The following TDRD3 variants were observed in gnomAD, a reference collection of about 807,000 sequenced individuals.
The protein encoded by TDRD3 is tudor domain containing 3, also known as tudor domain-containing protein 3.
TDRD3 carries 45 observed loss-of-function variants against 86.7 expected under a neutral mutation model. The ratio of observed to expected loss-of-function variants is 0.52; its 90% CI spans 0.41 to 0.67. TDRD3 has a LOEUF of 0.67. TDRD3 is among the 30% of genes least tolerant of loss of function. The pLI is 0.00. For missense variants in TDRD3, 814 were observed against 889.0 expected, an observed-to-expected ratio of 0.92 and a Z score of 1.07; for synonymous variants, 298 against 301.7, an observed-to-expected ratio of 0.99 and a Z score of 0.13.
At chr13:60,507,297 A>G (rs1041034003) in intron 8 of TDRD3, among the ~76,000 whole-genome samples, 4 of 152,180 alleles carry the variant, frequency 2.6e-5, no homozygotes, top group South Asian at 2.1e-4. Flanking sequence ...CGAGACAGAA[A>G]ATTAACAAGG....
chr13:60,538,367 G>A (rs910316370), intron 12 of TDRD3, among the ~76,000 whole-genome samples: 3 of 145,930 alleles, frequency 2.1e-5, no homozygotes, highest in African/African-American at 7.6e-5. Context: ...ATTTGTTCTA[G>A]CTAGATTTCA....
At chr13:60,513,835 C>T (rs112437520) in intron 10 of TDRD3, among the ~76,000 whole-genome samples, 2 of 152,186 alleles carry the variant, frequency 1.3e-5, no homozygotes, top group African/African-American at 4.8e-5. Context: ...CCCATAAACT[C>T]TTTTTCCTGT....
At chr13:60,423,837 A>T (rs1256900416) in intron 1 of TDRD3, among the ~76,000 whole-genome samples, 1 of 152,212 alleles carries the variant, frequency 6.6e-6, no homozygotes, top group African/African-American at 2.4e-5. Context: ...TATTAATAAA[A>T]TGAATAAATG....
chr13:60,420,597 A>T (rs1954629870), intron 1 of TDRD3, among the ~76,000 whole-genome samples: 1 of 152,100 alleles, frequency 6.6e-6, no homozygotes, highest in Non-Finnish European at 1.5e-5. Flanking sequence ...TTTCAGTGAC[A>T]TTTGTAAAAA....
chr13:60,555,848 C>CTTTT lies in TDRD3; in HGVS notation c.2119-11674_2119-11673insTTTT, dbSNP rs770710929. Among the ~76,000 whole-genome samples, 65 of 136,128 alleles carry CTTTT rather than the reference C, an allele frequency of 4.8e-4. 1 individual carries two copies. The highest frequency in any genetic ancestry group is 9.1e-4 in the African/African-American group (33 of 36,312). 89.3% of individuals were successfully genotyped at this position (136,128 alleles called of 152,430 possible). ...GGTAGGAAAAAAAACCAACCTATTT[C>CTTTT]TTTCTTTTTTTTTTTTTTTTGAGAT... On this transcript the variant is annotated intron_variant, in intron 12 of 13. Coordinates refer to ENST00000377881, the MANE Select transcript of TDRD3 (RefSeq NM_001146070.2).
chr13:60,449,747 A>G (rs1453223829), intron 3 of TDRD3, among the ~76,000 whole-genome samples: 1 of 151,866 alleles, frequency 6.6e-6, no homozygotes, highest in East Asian at 1.9e-4. Context: ...TAGATCTTCT[A>G]GTAAATATAC....
At chr13:60,468,869 C>T (rs538558690) in intron 5 of TDRD3, among the ~76,000 whole-genome samples, 6 of 152,236 alleles carry the variant, frequency 3.9e-5, no homozygotes, top group Non-Finnish European at 1.5e-5. Context: ...ACTGATTACT[C>T]CTCGAGCTGA....
At chr13:60,412,510 A>C (rs11843497) in intron 1 of TDRD3, among the ~76,000 whole-genome samples, 6,858 of 152,290 alleles carry the variant, frequency 0.045, 217 homozygotes, top group Non-Finnish European at 0.064. Context: ...ATTTGCTTAT[A>C]AAAAGGGATT....
chr13:60,497,180 TG>T lies in TDRD3; in HGVS notation c.858+2607del, dbSNP rs1223495548. Among the ~76,000 whole-genome samples, 3 of 151,560 alleles carry T rather than the reference TG, an allele frequency of 2.0e-5. No individual in the cohort carries two copies. In the East Asian group the frequency reaches 5.8e-4, roughly 30 times the overall value. On this transcript the variant is annotated intron_variant, in intron 8 of 13. Coordinates refer to ENST00000377881, the MANE Select transcript of TDRD3 (RefSeq NM_001146070.2). ...GGTCTGGGACGGCGGTGAACAGCAG[TG>T]GTGGATGGCAAGCGAAAGCTCAGCT...
chr13:60,497,285 G>A (rs1956739847), intron 8 of TDRD3, among the ~76,000 whole-genome samples: 1 of 152,170 alleles, frequency 6.6e-6, no homozygotes, highest in African/African-American at 2.4e-5. Context: ...CCATAAAATG[G>A]GAGGGGACCC....
At position 60,397,267 on chromosome 13, in the gene TDRD3, CTTTTCTTT is replaced by C; in HGVS notation, c.-93_-86del. ...GCCGACCAGAGGAGTTTTTTCTTTT[CTTTTCTTT>C]TTTTTTTTTTAAGGGGGGGGGTCTC... On this transcript the variant is annotated 5_prime_UTR_variant, in exon 1 of 14. The change creates a premature stop within an existing upstream ORF in the 5' untranslated region. Coordinates refer to ENST00000377881, the MANE Select transcript of TDRD3 (RefSeq NM_001146070.2). 1 of 646,982 alleles carries C rather than the reference CTTTTCTTT, an allele frequency of 1.5e-6. No individual in the cohort carries two copies. Among genetic ancestry groups the C allele is most frequent in the Non-Finnish European group, 2.3e-6 (1 of 440,130 alleles). The allele number at this position is 646,982 out of a possible 1,614,324, so 40.1% of individuals were successfully genotyped here.
At chr13:60,457,603 T>C (rs1445716824) in intron 3 of TDRD3, among the ~76,000 whole-genome samples, 1 of 152,216 alleles carries the variant, frequency 6.6e-6, no homozygotes, top group East Asian at 1.9e-4. Flanking sequence ...TAAGTGGGTA[T>C]AGTAGTTATC....
At chr13:60,449,439 G>A (rs1358721477) in intron 3 of TDRD3, among the ~76,000 whole-genome samples, 1 of 151,906 alleles carries the variant, frequency 6.6e-6, no homozygotes, top group Non-Finnish European at 1.5e-5. Context: ...TTCTGTTTTT[G>A]GTTCCAAGGA....
At chr13:60,420,805 G>T (rs539919940) in intron 1 of TDRD3, among the ~76,000 whole-genome samples, 29 of 152,024 alleles carry the variant, frequency 1.9e-4, no homozygotes, top group Non-Finnish European at 4.1e-4. Context: ...TTAGCCGGGC[G>T]TGATGGCGGG....
intron 12 of TDRD3, among the ~76,000 whole-genome samples, chr13:60,561,159 T>C (rs1352651878): frequency 6.6e-6 from 1 of 152,212 alleles, no homozygotes; most frequent in Non-Finnish European, 1.5e-5. Context: ...AATTTTCTCA[T>C]ATGTTAATGA....
At chr13:60,457,602 A>G (rs1027798139) in intron 3 of TDRD3, among the ~76,000 whole-genome samples, 3 of 152,222 alleles carry the variant, frequency 2.0e-5, no homozygotes, top group Non-Finnish European at 2.9e-5. Flanking sequence ...ATAAGTGGGT[A>G]TAGTAGTTAT....
chr13:60,400,730 T>C (rs981784164), intron 1 of TDRD3, among the ~76,000 whole-genome samples: 1 of 150,010 alleles, frequency 6.7e-6, no homozygotes, highest in Non-Finnish European at 1.5e-5. Flanking sequence ...AGAGCGAGAC[T>C]GTGTCTCAAA....
intron 7 of TDRD3, 144 bp from the exon 8 acceptor site, chr13:60,494,291 G>A (rs1459122973): frequency 1.1e-6 from 1 of 876,098 alleles, no homozygotes; most frequent in African/African-American, 1.7e-5. Flanking sequence ...CTATTCAAAA[G>A]GAGTAAGTTA....
chr13:60,425,266 A>C (rs555577558), intron 1 of TDRD3, among the ~76,000 whole-genome samples: 124 of 152,230 alleles, frequency 8.1e-4, no homozygotes, highest in Non-Finnish European at 1.5e-3. Flanking sequence ...AAAGGTGCTC[A>C]AGATCACGAA....
Sources: gnomAD v4.1 joint callset for allele counts (sites outside exome capture counted in the v4.1 genomes callset) on GRCh38, gnomAD v4.1.1 for gene constraint, MANE v1.5 for transcripts, NCBI Gene and HGNC (gene_info 2026-07-23, HGNC 2026-07-21) for gene names.